The following HGS variants were observed in gnomAD, a reference collection of about 807,000 sequenced individuals.
HGS encodes the protein hepatocyte growth factor-regulated tyrosine kinase substrate.
In HGS, 63 loss-of-function variants were observed where a neutral mutation model predicts 109.7. The ratio of observed to expected loss-of-function variants is 0.57; its 90% CI spans 0.47 to 0.71. The LOEUF (loss-of-function observed/expected upper bound fraction) is 0.71. Ranked by LOEUF, HGS falls within the 30% of genes least tolerant of loss-of-function variation. The probability of loss-of-function intolerance (pLI) is 0.00; values close to 1 mark genes in which losing one functional copy is unlikely to be tolerated. For synonymous variants in HGS, 546 were observed against 437.3 expected (o/e 1.25, Z -3.10); for missense variants, 995 against 1,068.3 (o/e 0.93, Z 0.96).
At position 81,691,795 on chromosome 17, in the gene HGS, G is replaced by A. The variant is rs781115099; in HGVS notation, c.662+224G>A. The A allele has an allele frequency of 2.6e-5, 13 of 509,156 alleles. No individual in the cohort carries two copies. The highest frequency in any genetic ancestry group is 1.1e-3 in the Middle Eastern group (2 of 1,836). 31.5% of individuals were successfully genotyped at this position (509,156 alleles called of 1,614,324 possible). ...ACAGGGCGCCGCGGCTCCAGGGACC[G>A]AGGCTGCCCCGACAAACCTGTTGCT... On this transcript the variant is annotated intron_variant, in intron 8 of 21. Coordinates refer to ENST00000329138, the MANE Select transcript of HGS (RefSeq NM_004712.5). This position sits in a 1 kb window ranked among gnomAD's most constrained non-coding sequence, Gnocchi z 5.3.
chr17:81,698,530 C>G (rs999630978), intron 18 of HGS, among the ~76,000 whole-genome samples: 25 of 152,272 alleles, frequency 1.6e-4, no homozygotes, highest in African/African-American at 5.8e-4. Context: ...GTTTCTGTTG[C>G]TAGATACTCT....
chr17:81,684,180 A>T, intron 1 of HGS, 77 bp downstream of exon 1: 12 of 1,075,678 alleles, frequency 1.1e-5, no homozygotes, highest in East Asian at 3.5e-5. Flanking sequence ...CGCGGCCCCG[A>T]GGGCCCGAGG....
At chr17:81,700,194 A>G (rs556092184) in intron 18 of HGS, among the ~76,000 whole-genome samples, 2 of 151,162 alleles carry the variant, frequency 1.3e-5, no homozygotes, top group South Asian at 4.2e-4. Flanking sequence ...ATGAAACCCC[A>G]TCTTTATTAA....
chr17:81,696,420 C>T lies in HGS; in HGVS notation c.1457C>T (p.Ala486Val). 1 of 1,576,790 alleles carries T rather than the reference C, an allele frequency of 6.3e-7. No homozygotes were observed. Among genetic ancestry groups the T allele is most frequent in the South Asian group, 1.2e-5 (1 of 85,526 alleles). The change falls in exon 16 of 22, where the codon GCC becomes GTC. Residue 486 changes from alanine (A) to valine (V), a missense_variant. Physicochemically the swap from Ala to Val is moderately conservative, Grantham distance 64. Coordinates refer to ENST00000329138, the MANE Select transcript of HGS (RefSeq NM_004712.5). ...CGCGATGCCCGGGGGGCGCTGAGTGCCCTGCGCGAAGAGCACCGGGAGAAG... is the reference window on the plus strand; with the variant it reads ...CGCGATGCCCGGGGGGCGCTGAGTGTCCTGCGCGAAGAGCACCGGGAGAAG... ...QIRDARGALSALREEHREKLR... is the reference protein window; with the variant it reads ...QIRDARGALSVLREEHREKLR...
chr17:81,687,291 C>G (rs570192643), intron 4 of HGS, among the ~76,000 whole-genome samples, 196 bp downstream of exon 4: 5 of 152,318 alleles, frequency 3.3e-5, no homozygotes, highest in South Asian at 2.1e-4. Flanking sequence ...CCAGGGAGGT[C>G]AGGGTTTAGC....
At chr17:81,689,541 A>T (rs1375528586) in intron 5 of HGS, among the ~76,000 whole-genome samples, 1 of 152,060 alleles carries the variant, frequency 6.6e-6, no homozygotes, top group Middle Eastern at 3.2e-3. Context: ...ATGGCTGCTC[A>T]CATCTGTGCG....
Position 81,696,403 on chromosome 17 carries a change from C to T in HGS, c.1440C>T (p.Ala480=). Residue 480 remains alanine (A), a synonymous_variant, in exon 16 of 22, where the codon GCC becomes GCT. Coordinates refer to ENST00000329138, the MANE Select transcript of HGS (RefSeq NM_004712.5). ...LQDKLAQIRD[A]RGALSALREE... ...ACAAGCTGGCACAGATCCGCGATGC[C>T]CGGGGGGCGCTGAGTGCCCTGCGCG... 6.3e-7 allele frequency: 1 copy of T among 1,585,166 alleles called. No homozygotes were observed. The highest frequency in any genetic ancestry group is 8.6e-7 in the Non-Finnish European group (1 of 1,168,500).
At position 81,691,522 on chromosome 17, in the gene HGS, A is replaced by G; in HGVS notation, c.613A>G (p.Ile205Val). 1.2e-6 allele frequency: 2 copies of G among 1,614,106 alleles called. No homozygotes were observed. The highest frequency in any genetic ancestry group is 1.7e-6 in the Non-Finnish European group (2 of 1,180,006). The change falls in exon 8 of 22, where the codon ATC (isoleucine) becomes GTC (valine). Residue 205 changes from isoleucine to valine, a missense_variant. Around this residue, in one of 6 missense-constraint regions of HGS, gnomAD observed 182 missense variants for 261.3 expected, o/e 0.70. Transcript: ENST00000329138. The surrounding 1 kb of genome is among the most constrained non-coding windows in gnomAD (Gnocchi z 5.3). ...GTACTCCACCATCCCCAAGTTTGGC[A>G]TCGAGAAGGAGGTGCGCGTGTGTGA... The part of the protein sequence containing the change: ...SKYSTIPKFG[I>V]EKEVRVCEPC...
In HGS at chr17:81,700,567, A is replaced by G. The variant is rs1175951853; in HGVS notation, c.1983A>G (p.Ser661=). 1 of 1,610,158 alleles carries G rather than the reference A, an allele frequency of 6.2e-7. No homozygotes were observed. Among genetic ancestry groups the G allele is most frequent in the Non-Finnish European group, 8.5e-7 (1 of 1,178,234 alleles). The change falls in exon 19 of 22, where the codon TCA becomes TCG. Residue 661 remains serine, a synonymous_variant. Transcript: ENST00000329138. The part of the protein sequence containing the change: ...QAGPTASPAY[S]SYQPTPTAGY... Reference sequence around the variant, plus strand: ...GACCCACCGCCAGCCCCGCTTACTCATCCTACCAGCCTACTCCCACAGCGG... The same window carrying G: ...GACCCACCGCCAGCCCCGCTTACTCGTCCTACCAGCCTACTCCCACAGCGG...
intron 1 of HGS, among the ~76,000 whole-genome samples, chr17:81,685,340 C>G (rs1186892899): frequency 6.6e-6 from 1 of 152,230 alleles, no homozygotes; most frequent in Non-Finnish European, 1.5e-5. Flanking sequence ...CCTCGCCTCT[C>G]TGCTGAGTGT....
Position 81,696,764 on chromosome 17 carries a change from C to G in HGS, c.1707+17C>G. 6.2e-7 allele frequency: 1 copy of G among 1,603,094 alleles called. No homozygotes were observed. The highest frequency in any genetic ancestry group is 1.3e-5 in the African/African-American group (1 of 74,876). On this transcript the variant is annotated intron_variant, in intron 17 of 21. Coordinates refer to ENST00000329138, the MANE Select transcript of HGS (RefSeq NM_004712.5). ...TACGCCCAGGCATGTGCCATCCTCC[C>G]GCCACCCAGAGGCTTGTGGGCTGAG...
intron 1 of HGS, chr17:81,685,068 A>T (rs2036953807): frequency 1.0e-6 from 1 of 985,360 alleles, no homozygotes; most frequent in South Asian, 4.7e-5. Flanking sequence ...GTATGATGAC[A>T]GGTATGCTGG....
rs754179047 is a variant in HGS, at chr17:81,696,515, C to G, written c.1552C>G (p.Arg518Gly). ...GCTGGCCCAGAAGCTGGAGATAATGCGGCAGAAGAAGCAGGTGCAGTGGCT... is the reference window on the plus strand; with the variant it reads ...GCTGGCCCAGAAGCTGGAGATAATGGGGCAGAAGAAGCAGGTGCAGTGGCT... ...IQLAQKLEIM[R>G]QKKQEYLEVQ... The change falls in exon 16 of 22, where the codon CGG (arginine) becomes GGG (glycine). Residue 518 changes from arginine (R) to glycine (G), a missense_variant. Arg to Gly is a moderately radical substitution (Grantham distance 125). Transcript: ENST00000329138. The G allele has an allele frequency of 6.5e-7, 1 of 1,528,248 alleles. No individual in the cohort carries two copies. The highest frequency in any genetic ancestry group is 8.8e-7 in the Non-Finnish European group (1 of 1,135,874). The allele number at this position is 1,528,248 out of a possible 1,614,324, so 94.7% of individuals were successfully genotyped here. A position where few individuals can be genotyped will look rare whatever the true frequency, so the allele number is the denominator to read the frequency against.
chr17:81,691,421 C>G lies in HGS; in HGVS notation c.538-26C>G. The G allele has an allele frequency of 6.2e-7, 1 of 1,612,878 alleles. No individual in the cohort carries two copies. Among genetic ancestry groups the G allele is most frequent in the South Asian group, 1.1e-5 (1 of 91,064 alleles). ...CATCAGGGTCCCCCAGTGCCTGTGA[C>G]CAGGCCCGCCCGCCCCATCTTACAG... On this transcript the variant is annotated intron_variant, in intron 7 of 21. Transcript: ENST00000329138. This position sits in a 1 kb window ranked among gnomAD's most constrained non-coding sequence, Gnocchi z 5.3.
In HGS at chr17:81,695,068, G is replaced by C. The variant is rs1568216938; in HGVS notation, c.1119+1G>C. The C allele has an allele frequency of 6.2e-7, 1 of 1,612,882 alleles. No homozygotes were observed. The highest frequency in any genetic ancestry group is 8.5e-7 in the Non-Finnish European group (1 of 1,179,110). On this transcript the variant is annotated splice_donor_variant, in intron 13 of 21. Coordinates refer to ENST00000329138, the MANE Select transcript of HGS (RefSeq NM_004712.5). LOFTEE classifies it high-confidence loss of function. ...CGCAGCCCCCACCAACGTGGTGGAG[G>C]TGAGGGGGCCACTCCCGGCATTCCT...
rs1292598358 is a variant in HGS at position 81,695,201 on chromosome 17, C to T, written c.1157C>T (p.Pro386Leu). The T allele has an allele frequency of 1.2e-6, 2 of 1,614,220 alleles. No homozygotes were observed. Among genetic ancestry groups the T allele is most frequent in the African/African-American group, 1.3e-5 (1 of 75,072 alleles). ...GAGACAGACTCTCAGCCCATTCCTC[C>T]CTCTGGTGGCCCCTTTAGTGAGGTA... is the stretch of plus-strand genomic sequence containing the variant. ...LPETDSQPIP[P>L]SGGPFSEPQF... The change falls in exon 14 of 22, where the codon CCC becomes CTC. Residue 386 changes from proline (P) to leucine (L), a missense_variant. Pro to Leu is a moderately conservative substitution (Grantham distance 98). Coordinates refer to ENST00000329138, the MANE Select transcript of HGS (RefSeq NM_004712.5).
At position 81,686,870 on chromosome 17, in the gene HGS, C is replaced by T. The variant is rs1270704599; in HGVS notation, c.199-133C>T. 17 of 688,584 alleles carry T rather than the reference C, an allele frequency of 2.5e-5. No individual in the cohort carries two copies. The Admixed American group carries it at 2.5e-4, about 10-fold the overall frequency. The allele number at this position is 688,584 out of a possible 1,614,324, so 42.7% of individuals were successfully genotyped here. On this transcript the variant is annotated intron_variant, in intron 3 of 21. Coordinates refer to ENST00000329138, the MANE Select transcript of HGS (RefSeq NM_004712.5). ...CCTGTCGAAGGGCTCTGCTGTCCCA[C>T]CGGGTTCCCCACCGGCCACTGACGG...
At chr17:81,693,407 A>T in intron 8 of HGS, 96 bp from the exon 9 acceptor site, 1 of 856,750 alleles carries the variant, frequency 1.2e-6, no homozygotes, top group Non-Finnish European at 2.0e-6. Flanking sequence ...CTCTGTGGGG[A>T]CACTTAGAGG....
Position 81,693,912 on chromosome 17 carries a change from A to G in HGS, c.883A>G (p.Met295Val), listed in dbSNP as rs772503608. The G allele has an allele frequency of 1.9e-6, 3 of 1,611,684 alleles. No homozygotes were observed. Among genetic ancestry groups the G allele is most frequent in the East Asian group, 2.2e-5 (1 of 44,872 alleles). Reference protein sequence around the residue: ...TYTSYPKAEPMPSASSAPPAS... With the variant: ...TYTSYPKAEPVPSASSAPPAS... ...CACTTCGTACCCCAAGGCGGAGCCC[A>G]TGCCCTCGGCCTCCTCAGCGCCCCC... The change falls in exon 11 of 22, where the codon ATG becomes GTG. Residue 295 changes from methionine to valine, a missense_variant. By Grantham distance (21) the Met-to-Val change is conservative. Transcript: ENST00000329138.
Sources: gnomAD v4.1 joint callset for allele counts (sites outside exome capture counted in the v4.1 genomes callset) on GRCh38, gnomAD v4.1.1 for gene constraint, gnomAD v4.1.1 regional missense constraint, Gnocchi (gnomAD v3.1) non-coding constraint, MANE v1.5 for transcripts, NCBI Gene and HGNC (gene_info 2026-07-23, HGNC 2026-07-21) for gene names.